The following DTL variants were observed in gnomAD, a reference collection of about 807,000 sequenced individuals.
DTL encodes denticleless protein homolog.
Under a neutral mutation model 87.0 loss-of-function variants are expected in DTL, and 46 were observed. The observed-to-expected ratio is 0.53, with a 90% CI of 0.42 to 0.68. The LOEUF (loss-of-function observed/expected upper bound fraction) is 0.68. DTL is among the 30% of genes least tolerant of loss of function. The pLI is 0.00. For missense variants in DTL, 737 were observed against 869.4 expected, an observed-to-expected ratio of 0.85 and a Z score of 1.91; for synonymous variants, 308 against 311.2, an observed-to-expected ratio of 0.99 and a Z score of 0.11.
intron 1 of DTL, among the ~76,000 whole-genome samples, chr1:212,036,493 T>A (rs1667467584): frequency 6.6e-6 from 1 of 152,160 alleles, no homozygotes; most frequent in Non-Finnish European, 1.5e-5. Context: ...GAGTGAAAGA[T>A]GCCTGTAACC....
chr1:212,050,248 T>G (rs1558073031), intron 5 of DTL, among the ~76,000 whole-genome samples: 3 of 152,170 alleles, frequency 2.0e-5, no homozygotes, highest in East Asian at 1.9e-4. Flanking sequence ...TTTGTGGGGG[T>G]TTTTGTAGGT....
intron 1 of DTL, among the ~76,000 whole-genome samples, chr1:212,041,143 G>C (rs1667627939): frequency 6.6e-6 from 1 of 152,132 alleles, no homozygotes; most frequent in Admixed American, 6.5e-5. Context: ...ACACAATAAG[G>C]ATCCAAAAGT....
At position 212,100,795 on chromosome 1, in the gene DTL, C is replaced by T. The variant is rs1655598618; in HGVS notation, c.1805C>T (p.Ser602Phe). ...AGNQEDLSKD[S>F]LGPTKSSKIE... ...AACCAGGAAGACCTTAGTAAGGACTCTCTAGGTCCTACCAAATCAAGCAAA... is the reference window on the plus strand; with the variant it reads ...AACCAGGAAGACCTTAGTAAGGACTTTCTAGGTCCTACCAAATCAAGCAAA... Residue 602 changes from serine to phenylalanine, a missense_variant, in exon 14 of 15, where the codon TCT becomes TTT. Coordinates refer to ENST00000366991, the MANE Select transcript of DTL (RefSeq NM_016448.4). The T allele has an allele frequency of 6.2e-7, 1 of 1,614,008 alleles. No individual in the cohort carries two copies. Among genetic ancestry groups the T allele is most frequent in the African/African-American group, 1.3e-5 (1 of 74,888 alleles).
chr1:212,085,215 A>C (rs1474141777), intron 13 of DTL, among the ~76,000 whole-genome samples: 1 of 152,218 alleles, frequency 6.6e-6, no homozygotes, highest in African/African-American at 2.4e-5. Context: ...AACTATATTT[A>C]GAGTTATGTA....
At chr1:212,065,507 GA>G (rs1654465611) in intron 7 of DTL, among the ~76,000 whole-genome samples, 1 of 151,962 alleles carries the variant, frequency 6.6e-6, no homozygotes, top group Non-Finnish European at 1.5e-5. Context: ...GGCACATGTT[GA>G]AAATTCACCT....
At chr1:212,038,647 T>G (rs1667554021) in intron 1 of DTL, among the ~76,000 whole-genome samples, 1 of 152,234 alleles carries the variant, frequency 6.6e-6, no homozygotes, top group Non-Finnish European at 1.5e-5. Context: ...CCCTAATGCC[T>G]TCTTGTCTGG....
intron 11 of DTL, among the ~76,000 whole-genome samples, chr1:212,075,143 T>C (rs934100336): frequency 6.6e-6 from 1 of 152,138 alleles, no homozygotes; most frequent in Non-Finnish European, 1.5e-5. Flanking sequence ...GAAATAAAGA[T>C]TAGACTTGGT....
chr1:212,041,434 A>G (rs1166656876), intron 1 of DTL, among the ~76,000 whole-genome samples: 2 of 143,966 alleles, frequency 1.4e-5, no homozygotes, highest in Non-Finnish European at 3.0e-5. Flanking sequence ...ACCTTTGAAC[A>G]GAGGCTTTTG....
chr1:212,085,947 T>A (rs779373001), intron 13 of DTL, among the ~76,000 whole-genome samples: 17 of 152,214 alleles, frequency 1.1e-4, no homozygotes, highest in Non-Finnish European at 1.8e-4. Flanking sequence ...ACCATAAATG[T>A]GAGGGTTTAT....
In DTL at chr1:212,100,248, T is replaced by G. The variant is rs1183762639; in HGVS notation, c.1262-4T>G. 6.5e-7 allele frequency: 1 copy of G among 1,526,742 alleles called. No individual in the cohort carries two copies. Among genetic ancestry groups the G allele is most frequent in the African/African-American group, 1.4e-5 (1 of 71,792 alleles). The allele number at this position is 1,526,742 out of a possible 1,614,324, so 94.6% of individuals were successfully genotyped here. A position where few individuals can be genotyped will look rare whatever the true frequency, so the allele number is the denominator to read the frequency against. On this transcript the variant is annotated splice_polypyrimidine_tract_variant and splice_region_variant and intron_variant, in intron 13 of 14. Coordinates refer to ENST00000366991, the MANE Select transcript of DTL (RefSeq NM_016448.4). ...GATCTTCATGATCCTCTCCTCTTTT[T>G]CAGTAACAGTAACGAGTAGCCAGAG...
At chr1:212,039,197 T>G (rs1053857077) in intron 1 of DTL, among the ~76,000 whole-genome samples, 10 of 152,226 alleles carry the variant, frequency 6.6e-5, no homozygotes, top group African/African-American at 2.4e-4. Context: ...CAATTATTAG[T>G]ACTATATGAT....
Position 212,062,893 on chromosome 1 carries a change from G to C in DTL, c.470G>C (p.Cys157Ser). The C allele has an allele frequency of 6.2e-7, 1 of 1,613,262 alleles. No individual in the cohort carries two copies. The highest frequency in any genetic ancestry group is 8.5e-7 in the Non-Finnish European group (1 of 1,179,296). The change falls in exon 6 of 15, where the codon TGT (cysteine) becomes TCT (serine). Residue 157 changes from cysteine (C) to serine (S), a missense_variant. Cys to Ser is a moderately radical substitution (Grantham distance 112). Transcript: ENST00000366991. ...AFSKFEKAVF[C>S]TGGRDGNIMV... ...GTTTATTTCCCCACAGCTGTATTCT[G>C]TACGGGTGGAAGAGATGGCAACATT...
intron 5 of DTL, among the ~76,000 whole-genome samples, chr1:212,050,722 G>GGCTC (rs1558073211): frequency 4.9e-4 from 12 of 24,706 alleles, no homozygotes; most frequent in Non-Finnish European, 9.2e-4. Context: ...CTCCTTAGGA[G>GGCTC]AAGATATTTG....
At chr1:212,044,810 C>A in intron 3 of DTL, 52 bp downstream of exon 3, 1 of 1,028,458 alleles carries the variant, frequency 9.7e-7, no homozygotes, top group African/African-American at 1.6e-5. Flanking sequence ...CTTTACACAT[C>A]CTCAAGTATA....
At chr1:212,062,763 G>T in intron 5 of DTL, 121 bp from the exon 6 acceptor site, 3 of 663,364 alleles carry the variant, frequency 4.5e-6, no homozygotes, top group South Asian at 2.0e-5. Context: ...TTAAATGTTT[G>T]ATCTCCAGTG....
At chr1:212,077,558 A>G (rs1654866753) in intron 11 of DTL, 1 of 153,052 alleles carries the variant, frequency 6.5e-6, no homozygotes, top group Admixed American at 6.5e-5. Context: ...TTCAGAATGA[A>G]GGTTATCCAA....
chr1:212,072,802 C>T (rs1490179605), intron 11 of DTL, among the ~76,000 whole-genome samples: 1 of 136,520 alleles, frequency 7.3e-6, no homozygotes, highest in Non-Finnish European at 1.5e-5. Flanking sequence ...CTCACTCTGT[C>T]GCACAGGCTG....
chr1:212,036,777 C>T (rs753039979), intron 1 of DTL, among the ~76,000 whole-genome samples: 23 of 152,194 alleles, frequency 1.5e-4, no homozygotes, highest in Non-Finnish European at 2.9e-4. Context: ...GCTAACTACC[C>T]AGATTAACCT....
chr1:212,037,327 A>G (rs768284913), intron 1 of DTL, among the ~76,000 whole-genome samples: 11 of 152,198 alleles, frequency 7.2e-5, no homozygotes, highest in South Asian at 2.1e-4. Context: ...TATGAAATCT[A>G]TAGAATCATC....
Sources: allele counts gnomAD v4.1 joint callset (sites outside exome capture counted in the v4.1 genomes callset), GRCh38; gene constraint gnomAD v4.1.1; transcripts MANE v1.5; gene names NCBI Gene and HGNC (gene_info 2026-07-23, HGNC 2026-07-21).